The following EPHB2 variants were observed in gnomAD, a reference collection of about 807,000 sequenced individuals.
The protein encoded by EPHB2 is EPH receptor B2, also known as ephrin type-B receptor 2.
Under a neutral mutation model 96.4 loss-of-function variants are expected in EPHB2, and 18 were observed. The observed-to-expected ratio is 0.19, with a 90% CI of 0.13 to 0.28. EPHB2 has a LOEUF of 0.28. Among genes scored for constraint, EPHB2 ranks in the 10% least tolerant of loss-of-function variants. The pLI, the probability that EPHB2 is intolerant of heterozygous loss-of-function variation, is 1.00. For missense variants in EPHB2, 989 were observed against 1,355.4 expected (o/e 0.73, Z 4.25); for synonymous variants, 506 against 534.1 (o/e 0.95, Z 0.72).
intron 3 of EPHB2, among the ~76,000 whole-genome samples, chr1:22,795,777 T>C (rs1302315952): frequency 6.6e-6 from 1 of 152,196 alleles, no homozygotes; most frequent in Non-Finnish European, 1.5e-5. Flanking sequence ...AAGCCGGGAC[T>C]AGAACCCAGT....
At chr1:22,782,725 A>G (rs916558396) in intron 2 of EPHB2, among the ~76,000 whole-genome samples, 1 of 152,186 alleles carries the variant, frequency 6.6e-6, no homozygotes, top group Non-Finnish European at 1.5e-5. Context: ...GTTCTGAAGA[A>G]GAGCAGCGGT....
rs772695950 is a variant in EPHB2, at chr1:22,865,117, A to G, written c.1208A>G (p.Gln403Arg). 2.5e-6 allele frequency: 4 copies of G among 1,614,238 alleles called. No individual in the cohort carries two copies. Among genetic ancestry groups the G allele is most frequent in the Non-Finnish European group, 3.4e-6 (4 of 1,180,042 alleles). The change falls in exon 5 of 16, where the codon CAG (glutamine) becomes CGG (arginine). Residue 403 changes from glutamine (Q) to arginine (R), a missense_variant. By Grantham distance (43) the Gln-to-Arg change is conservative. Coordinates refer to ENST00000374630, the MANE Select transcript of EPHB2 (RefSeq NM_017449.5). ...IYISDLLAHT[Q>R]YTFEIQAVNG... The stretch of plus-strand genomic sequence containing the variant: ...ATCAGTGACCTGCTGGCCCACACCC[A>G]GTACACCTTCGAGATCCAGGCTGTG...
chr1:22,736,123 C>T (rs1218046289), intron 1 of EPHB2, among the ~76,000 whole-genome samples: 1 of 152,146 alleles, frequency 6.6e-6, no homozygotes, highest in Non-Finnish European at 1.5e-5. Flanking sequence ...TAAAGATGAT[C>T]GTAGTGGTCA....
chr1:22,889,566 A>C (rs923095336), intron 6 of EPHB2, among the ~76,000 whole-genome samples: 1 of 152,204 alleles, frequency 6.6e-6, no homozygotes, highest in Non-Finnish European at 1.5e-5. Context: ...GCCTCAGGAA[A>C]TCCACATCCT....
intron 3 of EPHB2, among the ~76,000 whole-genome samples, chr1:22,809,782 A>G (rs1644978212): frequency 6.6e-6 from 1 of 152,204 alleles, no homozygotes; most frequent in Admixed American, 6.5e-5. Flanking sequence ...GCGAGGAGCA[A>G]GAGAAAACCC....
chr1:22,774,514 G>A, intron 1 of EPHB2: 1 of 962,598 alleles, frequency 1.0e-6, no homozygotes, highest in Non-Finnish European at 1.2e-6. Flanking sequence ...GAAGGGCCAG[G>A]CGTTCCAGGC....
intron 1 of EPHB2, among the ~76,000 whole-genome samples, chr1:22,744,377 C>T (rs1643940404): frequency 6.6e-6 from 1 of 151,488 alleles, no homozygotes; most frequent in Non-Finnish European, 1.5e-5. Flanking sequence ...AGCCTACTGT[C>T]GACCAGAAGC....
intron 3 of EPHB2, among the ~76,000 whole-genome samples, chr1:22,828,071 G>A (rs1570349702): frequency 6.6e-6 from 1 of 152,184 alleles, no homozygotes; most frequent in African/African-American, 2.4e-5. Flanking sequence ...TCAAAGCAGA[G>A]GTGGCCATGG....
chr1:22,760,510 G>C (rs1418373209), intron 1 of EPHB2, among the ~76,000 whole-genome samples: 2 of 152,224 alleles, frequency 1.3e-5, no homozygotes, highest in Non-Finnish European at 2.9e-5. Flanking sequence ...AGCTTCAGGT[G>C]TTCTTGCCTC....
At chr1:22,907,317 G>A (rs1489579647) in intron 11 of EPHB2, among the ~76,000 whole-genome samples, 1 of 152,340 alleles carries the variant, frequency 6.6e-6, no homozygotes, top group East Asian at 1.9e-4. Flanking sequence ...TTTGCCCAGA[G>A]TCACCCAGAG....
chr1:22,765,133 G>A (rs1644289774), intron 1 of EPHB2, among the ~76,000 whole-genome samples: 1 of 152,108 alleles, frequency 6.6e-6, no homozygotes, highest in African/African-American at 2.4e-5. Flanking sequence ...ACCAATTCTG[G>A]CCACACCACT....
chr1:22,773,223 G>A (rs1644402983), intron 1 of EPHB2, among the ~76,000 whole-genome samples: 1 of 152,242 alleles, frequency 6.6e-6, no homozygotes, highest in East Asian at 1.9e-4. Context: ...GCTCAGAGAG[G>A]AGAAGTGACT....
At chr1:22,760,191 TGGAGGTGGGGCACTCA>T (rs959743456) in intron 1 of EPHB2, among the ~76,000 whole-genome samples, 11 of 151,602 alleles carry the variant, frequency 7.3e-5, no homozygotes, top group African/African-American at 2.7e-4. Flanking sequence ...CACAGTTTGG[TGGAGGTGGGGCACTCA>T]GAAATAATTA....
chr1:22,907,186 T>TC (rs1386776414), intron 11 of EPHB2, among the ~76,000 whole-genome samples: 2 of 152,178 alleles, frequency 1.3e-5, no homozygotes, highest in Non-Finnish European at 2.9e-5. Context: ...TCAGTATGGT[T>TC]CCCCAGGAAG....
intron 3 of EPHB2, among the ~76,000 whole-genome samples, chr1:22,791,557 C>A (rs1187542131): frequency 1.4e-5 from 2 of 147,604 alleles, no homozygotes; most frequent in Non-Finnish European, 3.0e-5. Context: ...CACAAATGAT[C>A]CTCCCACCTC....
chr1:22,725,001 T>C (rs1228263647), intron 1 of EPHB2, among the ~76,000 whole-genome samples: 1 of 152,096 alleles, frequency 6.6e-6, no homozygotes, highest in African/African-American at 2.4e-5. Flanking sequence ...GTGTGAAACC[T>C]GCTCTGATCC....
intron 3 of EPHB2, among the ~76,000 whole-genome samples, chr1:22,853,091 C>A (rs1490580385): frequency 1.3e-5 from 2 of 152,236 alleles, no homozygotes; most frequent in Non-Finnish European, 2.9e-5. Context: ...TGGCTCATGC[C>A]TGTAATCCCA....
At chr1:22,724,138 C>T (rs1643530578) in intron 1 of EPHB2, among the ~76,000 whole-genome samples, 1 of 152,304 alleles carries the variant, frequency 6.6e-6, no homozygotes, top group Non-Finnish European at 1.5e-5. Context: ...GAGTAAAACA[C>T]CTGTCTAGCC....
At chr1:22,779,614 A>G (rs1318625769) in intron 1 of EPHB2, among the ~76,000 whole-genome samples, 1 of 152,210 alleles carries the variant, frequency 6.6e-6, no homozygotes, top group African/African-American at 2.4e-5. Flanking sequence ...AGCCCAGACC[A>G]TCAAACTAAT....
Sources: allele counts gnomAD v4.1 joint callset (sites outside exome capture counted in the v4.1 genomes callset), GRCh38; gene constraint gnomAD v4.1.1; transcripts MANE v1.5; gene names NCBI Gene and HGNC (gene_info 2026-07-23, HGNC 2026-07-21).